The following ESRP2 variants were observed in gnomAD, a reference collection of about 807,000 sequenced individuals.
ESRP2 encodes epithelial splicing regulatory protein 2.
Under a neutral mutation model 78.6 loss-of-function variants are expected in ESRP2, and 48 were observed. The ratio of observed to expected loss-of-function variants is 0.61; its 90% CI spans 0.48 to 0.78. The LOEUF is 0.78. ESRP2 is among the 30% of genes least tolerant of loss of function. The pLI is 0.00. For synonymous variants in ESRP2, 383 were observed against 406.7 expected, an observed-to-expected ratio of 0.94 and a Z score of 0.70; for missense variants, 863 against 965.9, an observed-to-expected ratio of 0.89 and a Z score of 1.41.
chr16:68,230,734 C>A (rs2042120967), intron 13 of ESRP2, 107 bp downstream of exon 13: 2 of 1,505,698 alleles, frequency 1.3e-6, no homozygotes, highest in Admixed American at 1.8e-5. Context: ...CACCTTACTC[C>A]CTTGTCATCT....
At chr16:68,230,338 G>C (rs2042109535) in intron 14 of ESRP2, 23 bp from the exon 15 acceptor site, 1 of 1,614,058 alleles carries the variant, frequency 6.2e-7, no homozygotes. Context: ...CACAGATTTA[G>C]GGCAGAGAGC....
chr16:68,233,735 T>C (rs768134206), intron 4 of ESRP2, 33 bp downstream of exon 4: 12 of 1,535,762 alleles, frequency 7.8e-6, no homozygotes, highest in Admixed American at 1.7e-5. Context: ...CCACAGTGGC[T>C]TCTCCACCCT....
chr16:68,231,458 C>T lies in ESRP2; in HGVS notation c.1512+24G>A. 1 of 1,613,796 alleles carries T rather than the reference C, an allele frequency of 6.2e-7. No individual in the cohort carries two copies. Among genetic ancestry groups the T allele is most frequent in the Non-Finnish European group, 8.5e-7 (1 of 1,179,872 alleles). On this transcript the variant is annotated intron_variant, in intron 11 of 14. Transcript: ENST00000473183. This position sits in a 1 kb window ranked among gnomAD's most constrained non-coding sequence, Gnocchi z 6.0. ...ACACACCCCTTCCTATTTATGTGTT[C>T]CCCCTACCAAGCAGTGGCTTCACCT...
At position 68,233,910 on chromosome 16, in the gene ESRP2, C is replaced by T. The variant is rs139210156; in HGVS notation, c.442-28G>A. 4.9e-4 allele frequency: 786 copies of T among 1,603,680 alleles called. 9 individuals carry two copies. In the Admixed American group the frequency reaches 0.012, roughly 24 times the overall value. On this transcript the variant is annotated intron_variant, in intron 3 of 14. Coordinates refer to ENST00000473183, the MANE Select transcript of ESRP2 (RefSeq NM_024939.3). Reference sequence around the variant, plus strand: ...GGGGGCACATAGGATTGAGGATGAGCGCCCTGCCCACCCTCAGGACAAGAG... The same window carrying T: ...GGGGGCACATAGGATTGAGGATGAGTGCCCTGCCCACCCTCAGGACAAGAG...
At position 68,231,802 on chromosome 16, in the gene ESRP2, C is replaced by T; in HGVS notation, c.1299G>A (p.Gln433=). The stretch of plus-strand genomic sequence containing the variant: ...GGGGTGGGGAGCCCTGGGCGCTCAC[C>T]TGCTGCACTTCGGCTGCAGTGCTCC... The part of the protein sequence containing the change: ...LFRSTAAEVQ[Q]VLNRYASGPL... Residue 433 remains glutamine, a splice_region_variant and synonymous_variant, in exon 10 of 15, where the codon CAG becomes CAA. Transcript: ENST00000473183. The surrounding 1 kb of genome is among the most constrained non-coding windows in gnomAD (Gnocchi z 6.0). The T allele has an allele frequency of 6.2e-7, 1 of 1,607,254 alleles. No individual in the cohort carries two copies. The highest frequency in any genetic ancestry group is 1.3e-5 in the African/African-American group (1 of 74,864).
Position 68,231,606 on chromosome 16 carries a change from C to G in ESRP2, c.1388G>C (p.Gly463Ala), listed in dbSNP as rs772659010. The G allele has an allele frequency of 1.2e-6, 2 of 1,613,824 alleles. No homozygotes were observed. The highest frequency in any genetic ancestry group is 1.3e-5 in the African/African-American group (1 of 74,864). Reference protein sequence around the residue: ...PIPFPLAPGTGRDCVRLRGLP... With the variant: ...PIPFPLAPGTARDCVRLRGLP... ...GCCTCGGAGGCGTACACAGTCCCTCCCAGTCCCAGGTGCCAGTGGGAAGGG... is the reference window on the plus strand; with the variant it reads ...GCCTCGGAGGCGTACACAGTCCCTCGCAGTCCCAGGTGCCAGTGGGAAGGG... The change falls in exon 11 of 15, where the codon GGG (glycine) becomes GCG (alanine). Residue 463 changes from glycine (G) to alanine (A), a missense_variant. Coordinates refer to ENST00000473183, the MANE Select transcript of ESRP2 (RefSeq NM_024939.3). This position sits in a 1 kb window ranked among gnomAD's most constrained non-coding sequence, Gnocchi z 6.0.
At position 68,233,889 on chromosome 16, in the gene ESRP2, G is replaced by A. The variant is rs771278025; in HGVS notation, c.442-7C>T. 4 of 1,611,874 alleles carry A rather than the reference G, an allele frequency of 2.5e-6. No homozygotes were observed. The highest frequency in any genetic ancestry group is 1.3e-5 in the African/African-American group (1 of 74,982). On this transcript the variant is annotated splice_region_variant and splice_polypyrimidine_tract_variant and intron_variant, in intron 3 of 14. Transcript: ENST00000473183. ...TGTCGGGGAGCACCAGGTTCTGGGG[G>A]CACATAGGATTGAGGATGAGCGCCC...
chr16:68,236,089 G>C lies in ESRP2; in HGVS notation c.-44C>G. 1 of 1,390,806 alleles carries C rather than the reference G, an allele frequency of 7.2e-7. No homozygotes were observed. The highest frequency in any genetic ancestry group is 9.2e-7 in the Non-Finnish European group (1 of 1,083,922). 86.2% of individuals were successfully genotyped at this position (1,390,806 alleles called of 1,614,324 possible). ...CTCTCGGCCAGACACGCGGACCGAC[G>C]AGGCGCACGCACGCACCGACCGACC... On this transcript the variant is annotated 5_prime_UTR_variant, in exon 1 of 15. Transcript: ENST00000473183. This position sits in a 1 kb window ranked among gnomAD's most constrained non-coding sequence, Gnocchi z 5.2.
chr16:68,233,420 C>T lies in ESRP2; in HGVS notation c.562G>A (p.Gly188Arg). The T allele has an allele frequency of 6.2e-7, 1 of 1,612,906 alleles. No homozygotes were observed. The highest frequency in any genetic ancestry group is 8.5e-7 in the Non-Finnish European group (1 of 1,178,884). Reference sequence around the variant, plus strand: ...TCCTCTGTGGCATCTGTCTCCAGTCCTAAACCTATGGGCAGAGAAGTGACA... The same window carrying T: ...TCCTCTGTGGCATCTGTCTCCAGTCTTAAACCTATGGGCAGAGAAGTGACA... ...LTVATMAQGL[G>R]LETDATEDDF... The change falls in exon 5 of 15, where the codon GGA (glycine) becomes AGA (arginine). Residue 188 changes from glycine (G) to arginine (R), a missense_variant. Transcript: ENST00000473183.
At position 68,232,736 on chromosome 16, in the gene ESRP2, C is replaced by G; in HGVS notation, c.710+25G>C. The G allele has an allele frequency of 6.2e-7, 1 of 1,614,164 alleles. No homozygotes were observed. On this transcript the variant is annotated intron_variant, in intron 6 of 14. Coordinates refer to ENST00000473183, the MANE Select transcript of ESRP2 (RefSeq NM_024939.3). This position sits in a 1 kb window ranked among gnomAD's most constrained non-coding sequence, Gnocchi z 5.2. Reference sequence around the variant, plus strand: ...GTCAGAGCTATTCAGCTGTTGTCACCCCCAGCCCCTGCTCCCACACTCACC... The same window carrying G: ...GTCAGAGCTATTCAGCTGTTGTCACGCCCAGCCCCTGCTCCCACACTCACC...
rs1265805848 is a variant in ESRP2 at position 68,235,740 on chromosome 16, A to T, written c.221T>A (p.Leu74Gln). 6.2e-7 allele frequency: 1 copy of T among 1,608,846 alleles called. No homozygotes were observed. Among genetic ancestry groups the T allele is most frequent in the African/African-American group, 1.3e-5 (1 of 74,840 alleles). ...SRQVGTLHKS[L>Q]VRAEAAALST... ...CAGTGCGGCCGCCTCGGCACGAACC[A>T]GCGATTTGTGCAGCGTCCCCACCTG... The change falls in exon 2 of 15, where the codon CTG becomes CAG. Residue 74 changes from leucine (L) to glutamine (Q), a missense_variant. Leu to Gln is a moderately radical substitution (Grantham distance 113, BLOSUM62 -2). Transcript: ENST00000473183. The surrounding 1 kb of genome is among the most constrained non-coding windows in gnomAD (Gnocchi z 5.5).
chr16:68,235,710 G>T lies in ESRP2; in HGVS notation c.251C>A (p.Thr84Lys), dbSNP rs1255922588. The change falls in exon 2 of 15, where the codon ACG becomes AAG. Residue 84 changes from threonine to lysine, a missense_variant. Thr to Lys is a moderately conservative substitution (Grantham distance 78, BLOSUM62 -1). Coordinates refer to ENST00000473183, the MANE Select transcript of ESRP2 (RefSeq NM_024939.3). The surrounding 1 kb of genome is among the most constrained non-coding windows in gnomAD (Gnocchi z 5.5). ...CAGGCCGCTCGCCTCGCGGCACTGC[G>T]TACTCAGTGCGGCCGCCTCGGCACG... ...LVRAEAAALS[T>K]QCREASGLSA... 1 of 1,604,164 alleles carries T rather than the reference G, an allele frequency of 6.2e-7. No homozygotes were observed. Among genetic ancestry groups the T allele is most frequent in the South Asian group, 1.1e-5 (1 of 90,872 alleles).
chr16:68,233,649 G>A (rs150084846), intron 4 of ESRP2, 119 bp downstream of exon 4: 39 of 800,550 alleles, frequency 4.9e-5, no homozygotes, highest in Middle Eastern at 3.1e-4. Context: ...GTACACTCAG[G>A]GACTTAGCAG....
intron 13 of ESRP2, 36 bp downstream of exon 13, chr16:68,230,805 G>A (rs201276474): frequency 5.1e-5 from 83 of 1,612,290 alleles, no homozygotes; most frequent in Admixed American, 3.7e-4. Context: ...TTGGGACAGG[G>A]AGTGGGACTG....
At position 68,234,012 on chromosome 16, in the gene ESRP2, G is replaced by T. The variant is rs1473888401; in HGVS notation, c.423C>A (p.His141Gln). 6.2e-7 allele frequency: 1 copy of T among 1,613,958 alleles called. No individual in the cohort carries two copies. Residue 141 changes from histidine to glutamine, a missense_variant, in exon 3 of 15, where the codon CAC becomes CAA. Transcript: ENST00000473183. ...DGQQLLRQVL[H>Q]PEASRKNLVL... ...AGCATACCTTCCTGGAGGCCTCGGG[G>T]TGCAGGACCTGTCGCAATAGCTGCT...
chr16:68,233,353 A>G lies in ESRP2; in HGVS notation c.629T>C (p.Ile210Thr), dbSNP rs757720822. The change falls in exon 5 of 15, where the codon ATC becomes ACC. Residue 210 changes from isoleucine (I) to threonine (T), a missense_variant. Transcript: ENST00000473183. The part of the protein sequence containing the change: ...VWEVKTMVAV[I>T]LHLLKEPSSQ... ...GCTGGGCTCTTTGAGTAGATGGAGG[A>G]TAACAGCTACCATTGTCTTGACTTC... The G allele has an allele frequency of 1.2e-6, 2 of 1,613,994 alleles. No individual in the cohort carries two copies. The highest frequency in any genetic ancestry group is 1.7e-6 in the Non-Finnish European group (2 of 1,179,960).
In ESRP2 at chr16:68,235,551, C is replaced by T; in HGVS notation, c.327+83G>A. On this transcript the variant is annotated intron_variant, in intron 2 of 14. Coordinates refer to ENST00000473183, the MANE Select transcript of ESRP2 (RefSeq NM_024939.3). This position sits in a 1 kb window ranked among gnomAD's most constrained non-coding sequence, Gnocchi z 5.5. ...CCGCCTGGACCGGTTGGTTGCGGCA[C>T]GCCAGGCCTAGCCTCCGGCCGCCAA... The T allele has an allele frequency of 7.7e-6, 12 of 1,554,608 alleles. No individual in the cohort carries two copies. Among genetic ancestry groups the T allele is most frequent in the South Asian group, 3.6e-5 (3 of 83,700 alleles).
At position 68,232,650 on chromosome 16, in the gene ESRP2, G is replaced by C; in HGVS notation, c.748C>G (p.Arg250Gly). The C allele has an allele frequency of 6.2e-7, 1 of 1,614,132 alleles. No individual in the cohort carries two copies. The highest frequency in any genetic ancestry group is 8.5e-7 in the Non-Finnish European group (1 of 1,180,014). Residue 250 changes from arginine (R) to glycine (G), a missense_variant, in exon 7 of 15, where the codon CGG becomes GGG. Physicochemically the swap from Arg to Gly is moderately radical, Grantham distance 125 (BLOSUM62 -2). Transcript: ENST00000473183. The surrounding 1 kb of genome is among the most constrained non-coding windows in gnomAD (Gnocchi z 5.2). ...ADVVDSETVV[R>G]ARGLPWQSSD... ...GACTGCCACGGCAACCCACGAGCCCGTACCACAGTCTCACTGTCCACCACA... is the reference window on the plus strand; with the variant it reads ...GACTGCCACGGCAACCCACGAGCCCCTACCACAGTCTCACTGTCCACCACA...
intron 4 of ESRP2, 126 bp from the exon 5 acceptor site, chr16:68,233,551 C>CA: frequency 1.3e-6 from 1 of 799,568 alleles, no homozygotes; most frequent in Admixed American, 1.9e-5. Context: ...TGGCCCAGTT[C>CA]ATGTGTGCAC....
Sources: gnomAD v4.1 joint callset for allele counts on GRCh38, gnomAD v4.1.1 for gene constraint, Gnocchi (gnomAD v3.1) non-coding constraint, MANE v1.5 for transcripts, NCBI Gene and HGNC (gene_info 2026-07-23, HGNC 2026-07-21) for gene names.